Variants in SAP130 observed in about 807,000 individuals in gnomAD.
The protein encoded by SAP130 is histone deacetylase complex subunit SAP130.
SAP130 carries 16 observed loss-of-function variants against 103.2 expected under a neutral mutation model. That is an observed-to-expected ratio of 0.16 (90% CI 0.10 to 0.24). The LOEUF (loss-of-function observed/expected upper bound fraction) is 0.24. SAP130 is among the 10% of genes least tolerant of loss of function. SAP130 has a pLI of 1.00. For missense variants in SAP130, 990 were observed against 1,359.7 expected, an observed-to-expected ratio of 0.73 and a Z score of 4.28; for synonymous variants, 477 against 497.0, an observed-to-expected ratio of 0.96 and a Z score of 0.53.
chr2:128,025,003 C>CAAAA (rs35797540), intron 2 of SAP130, among the ~76,000 whole-genome samples: 21 of 100,194 alleles, frequency 2.1e-4, no homozygotes, highest in Admixed American at 3.3e-4. Flanking sequence ...CCCTATTGCG[C>CAAAA]AAAAAAAAAA....
intron 2 of SAP130, among the ~76,000 whole-genome samples, chr2:128,023,585 C>T (rs1685294119): frequency 6.6e-6 from 1 of 152,078 alleles, no homozygotes; most frequent in Non-Finnish European, 1.5e-5. Flanking sequence ...CGAGACTATC[C>T]TGGCTAACAC....
chr2:127,975,541 A>G (rs774543784), intron 15 of SAP130, among the ~76,000 whole-genome samples: 2 of 152,052 alleles, frequency 1.3e-5, no homozygotes, highest in Non-Finnish European at 2.9e-5. Flanking sequence ...GTTTATTTCT[A>G]TTTTGGATTG....
In SAP130 at chr2:127,941,889, G is replaced by T; in HGVS notation, c.*117C>A. The T allele has an allele frequency of 2.2e-6, 2 of 930,226 alleles. No homozygotes were observed. The highest frequency in any genetic ancestry group is 3.3e-6 in the Non-Finnish European group (2 of 600,822). The allele number at this position is 930,226 out of a possible 1,614,324, so 57.6% of individuals were successfully genotyped here. A position where few individuals can be genotyped will look rare whatever the true frequency, so the allele number is the denominator to read the frequency against. The stretch of plus-strand genomic sequence containing the variant: ...CATGGGTTCCTCTGCTTTCACACGG[G>T]AACTAAGGAACACTTCCTTTATTTC... On this transcript the variant is annotated 3_prime_UTR_variant, in exon 21 of 21. Coordinates refer to ENST00000643581, the MANE Select transcript of SAP130 (RefSeq NM_001330301.2).
At chr2:127,981,397 CCCG>C (rs1559065121) in intron 14 of SAP130, among the ~76,000 whole-genome samples, 1 of 13,002 alleles carries the variant, frequency 7.7e-5, no homozygotes, top group Non-Finnish European at 1.8e-4. Context: ...CTCCTGCACC[CCCG>C]ACTCAGCTCC....
intron 2 of SAP130, among the ~76,000 whole-genome samples, chr2:128,019,424 C>T (rs917202338): frequency 1.3e-5 from 2 of 152,296 alleles, no homozygotes; most frequent in Middle Eastern, 6.8e-3. Flanking sequence ...CATGCCACCA[C>T]ACCTGGCTAA....
intron 15 of SAP130, among the ~76,000 whole-genome samples, chr2:127,972,407 T>TC (rs1681154075): frequency 1.3e-5 from 2 of 152,148 alleles, no homozygotes; most frequent in African/African-American, 4.8e-5. Context: ...GGCCAGGAGT[T>TC]CAAGACCAGC....
intron 15 of SAP130, among the ~76,000 whole-genome samples, chr2:127,959,244 AAC>A (rs926266879): frequency 3.3e-5 from 5 of 152,160 alleles, no homozygotes; most frequent in African/African-American, 1.2e-4. Context: ...AGAAGCTGAT[AAC>A]ATGGAAATGC....
At chr2:128,003,957 CTTTT>C (rs61211577) in intron 7 of SAP130, among the ~76,000 whole-genome samples, 390 of 67,694 alleles carry the variant, frequency 5.8e-3, no homozygotes, top group South Asian at 0.012. Context: ...CACAGATCAG[CTTTT>C]TTTTTTTTTT....
chr2:128,018,098 C>A (rs1032626398), intron 2 of SAP130, among the ~76,000 whole-genome samples, 183 bp from the exon 3 acceptor site: 2 of 151,996 alleles, frequency 1.3e-5, no homozygotes, highest in African/African-American at 4.8e-5. Context: ...GACAAAAGAG[C>A]CACAACTGTG....
chr2:127,986,702 C>T lies in SAP130; in HGVS notation c.1958+83G>A. On this transcript the variant is annotated intron_variant, in intron 14 of 20. Coordinates refer to ENST00000643581, the MANE Select transcript of SAP130 (RefSeq NM_001330301.2). This position sits in a 1 kb window ranked among gnomAD's most constrained non-coding sequence, Gnocchi z 4.7. ...AGAAAATGAGAGATGAGTTTGATAC[C>T]AGCATTAGATAAGAGTGCCTATTAT... The T allele has an allele frequency of 7.3e-7, 1 of 1,372,918 alleles. No individual in the cohort carries two copies. Among genetic ancestry groups the T allele is most frequent in the Non-Finnish European group, 1.0e-6 (1 of 994,970 alleles). The allele number at this position is 1,372,918 out of a possible 1,614,324, so 85.0% of individuals were successfully genotyped here.
chr2:128,012,552 C>G (rs1684470640), intron 6 of SAP130, among the ~76,000 whole-genome samples: 2 of 152,118 alleles, frequency 1.3e-5, no homozygotes, highest in Middle Eastern at 3.4e-3. Flanking sequence ...CCTAGAGAAC[C>G]CAATTTATAG....
chr2:127,970,239 A>T (rs1680980439), intron 15 of SAP130, among the ~76,000 whole-genome samples: 1 of 139,828 alleles, frequency 7.2e-6, no homozygotes, highest in African/African-American at 2.7e-5. Flanking sequence ...AAAAAAAAAA[A>T]ATTTTAAATT....
At chr2:127,974,426 C>T (rs531187925) in intron 15 of SAP130, among the ~76,000 whole-genome samples, 235 of 152,268 alleles carry the variant, frequency 1.5e-3, no homozygotes, top group African/African-American at 5.3e-3. Flanking sequence ...TCACTGAGCA[C>T]GAAGCTCACA....
intron 2 of SAP130, among the ~76,000 whole-genome samples, chr2:128,020,333 G>A (rs1370792054): frequency 6.6e-6 from 1 of 152,132 alleles, no homozygotes; most frequent in Non-Finnish European, 1.5e-5. Context: ...ACTATCCTCC[G>A]AAGGAAATCA....
chr2:127,964,115 A>G (rs565654423), intron 15 of SAP130, among the ~76,000 whole-genome samples: 25 of 152,324 alleles, frequency 1.6e-4, no homozygotes, highest in Non-Finnish European at 3.2e-4. Flanking sequence ...CGATGACCTG[A>G]GCCGAGGAGT....
At chr2:127,949,116 C>A (rs2438039) in intron 18 of SAP130, among the ~76,000 whole-genome samples, 125,521 of 152,146 alleles carry the variant, frequency 0.83, 52,332 homozygotes, top group Middle Eastern at 0.88. Flanking sequence ...CCTCTGCTTA[C>A]TTAGTCAGTA....
Position 127,985,541 on chromosome 2 carries a change from A to C in SAP130, c.1958+1244T>G, listed in dbSNP as rs185710713. Among the ~76,000 whole-genome samples the C allele has an allele frequency of 1.6e-3, 239 of 152,242 alleles. 1 individual carries two copies. Among genetic ancestry groups the C allele is most frequent in the Non-Finnish European group, 3.0e-3 (205 of 68,022 alleles). On this transcript the variant is annotated intron_variant, in intron 14 of 20. Coordinates refer to ENST00000643581, the MANE Select transcript of SAP130 (RefSeq NM_001330301.2). ...ATACCTTCCTGCCTATGATCCACCAACTGAGAAGCTTACATGGCAACACAA... is the reference window on the plus strand; with the variant it reads ...ATACCTTCCTGCCTATGATCCACCACCTGAGAAGCTTACATGGCAACACAA...
chr2:128,019,177 A>G (rs1177101697), intron 2 of SAP130, among the ~76,000 whole-genome samples: 1 of 152,164 alleles, frequency 6.6e-6, no homozygotes, highest in Non-Finnish European at 1.5e-5. Context: ...ACTGAGGGAC[A>G]GAGATAGGAG....
At chr2:128,007,874 C>T (rs927898710) in intron 7 of SAP130, among the ~76,000 whole-genome samples, 1 of 152,176 alleles carries the variant, frequency 6.6e-6, no homozygotes, top group African/African-American at 2.4e-5. Context: ...TTATCTCTAG[C>T]ACAGACATCT....
Sources: gnomAD v4.1 joint callset for allele counts (sites outside exome capture counted in the v4.1 genomes callset) on GRCh38, gnomAD v4.1.1 for gene constraint, Gnocchi (gnomAD v3.1) non-coding constraint, MANE v1.5 for transcripts, NCBI Gene and HGNC (gene_info 2026-07-23, HGNC 2026-07-21) for gene names.